Variants in SULT2B1 observed in about 807,000 individuals in gnomAD.
The protein encoded by SULT2B1 is sulfotransferase 2B1.
Under a neutral mutation model 33.2 loss-of-function variants are expected in SULT2B1, and 16 were observed. That is an observed-to-expected ratio of 0.48 (90% CI 0.33 to 0.73). The LOEUF (loss-of-function observed/expected upper bound fraction) is 0.73. Among genes scored for constraint, SULT2B1 ranks in the 30% least tolerant of loss-of-function variants. The pLI, the probability that SULT2B1 is intolerant of heterozygous loss-of-function variation, is 0.02. For missense variants in SULT2B1, 500 were observed against 506.0 expected, an observed-to-expected ratio of 0.99 and a Z score of 0.11; for synonymous variants, 186 against 200.5, an observed-to-expected ratio of 0.93 and a Z score of 0.61.
At chr19:48,595,521 C>T (rs1370069525) in intron 5 of SULT2B1, among the ~76,000 whole-genome samples, 1 of 152,072 alleles carries the variant, frequency 6.6e-6, no homozygotes, top group East Asian at 1.9e-4. Context: ...TGAGCTGCAG[C>T]CGTGGCAATG....
At chr19:48,568,714 G>A (rs981023638) in intron 1 of SULT2B1, among the ~76,000 whole-genome samples, 1 of 152,122 alleles carries the variant, frequency 6.6e-6, no homozygotes, top group Non-Finnish European at 1.5e-5. Flanking sequence ...TCTTGGCAAT[G>A]CTCTCTCTCC....
At chr19:48,591,984 TGA>T (rs1341989905) in intron 4 of SULT2B1, among the ~76,000 whole-genome samples, 2 of 151,254 alleles carry the variant, frequency 1.3e-5, no homozygotes, top group African/African-American at 4.9e-5. Flanking sequence ...ACAAAAAGAC[TGA>T]GAGAGAGGGC....
rs974293075 is a variant in SULT2B1, at chr19:48,590,495, G to C, written c.424-1114G>C. ...CACCCACCTGTAGTCCCAGCTACTC[G>C]GGAGGCTGAGGCAGGAGAATTGCTT... On this transcript the variant is annotated intron_variant, in intron 3 of 6. Transcript: ENST00000201586. Among the ~76,000 whole-genome samples, 18 of 152,072 alleles carry C rather than the reference G, an allele frequency of 1.2e-4. No individual in the cohort carries two copies. The South Asian group carries it at 2.3e-3, about 19-fold the overall frequency.
At position 48,555,115 on chromosome 19, in the gene SULT2B1, G is replaced by A. The variant is rs143243812; in HGVS notation, c.71+2792G>A. Among the ~76,000 whole-genome samples the A allele has an allele frequency of 6.4e-3, 954 of 150,102 alleles. 11 individuals carry two copies. Among genetic ancestry groups the A allele is most frequent in the African/African-American group, 0.022 (907 of 40,882 alleles). On this transcript the variant is annotated intron_variant, in intron 1 of 6. Transcript: ENST00000201586. ...ATTATTACTATTATTTTTTTGAGACGGAGTCTCACTCTGTCGCCCACGCTG... is the reference window on the plus strand; with the variant it reads ...ATTATTACTATTATTTTTTTGAGACAGAGTCTCACTCTGTCGCCCACGCTG...
chr19:48,591,470 C>T (rs545271824), intron 3 of SULT2B1, 139 bp from the exon 4 acceptor site: 5 of 988,810 alleles, frequency 5.1e-6, no homozygotes, highest in South Asian at 3.7e-5. Flanking sequence ...CAGACTCCAT[C>T]GCAAAAAAAA....
At chr19:48,591,763 GGGGT>G in intron 4 of SULT2B1, 28 bp downstream of exon 4, 1 of 1,541,590 alleles carries the variant, frequency 6.5e-7, no homozygotes, top group Non-Finnish European at 8.8e-7. Flanking sequence ...CGGGGCAGGA[GGGGT>G]GGGGAGGAGC....
chr19:48,575,964 T>C lies in SULT2B1; in HGVS notation c.95T>C (p.Phe32Ser). Residue 32 changes from phenylalanine (F) to serine (S), a missense_variant, in exon 2 of 7, where the codon TTC becomes TCC. By Grantham distance (155) the Phe-to-Ser change is radical. Coordinates refer to ENST00000201586, the MANE Select transcript of SULT2B1 (RefSeq NM_177973.2). Reference protein sequence around the residue: ...EISQKLPGEYFRYKGVPFPVG... With the variant: ...EISQKLPGEYSRYKGVPFPVG... ...AGCCAGAAGTTGCCAGGTGAATACT[T>C]CCGGTACAAGGGCGTCCCCTTCCCC... 1 of 1,613,332 alleles carries C rather than the reference T, an allele frequency of 6.2e-7. No homozygotes were observed. The highest frequency in any genetic ancestry group is 8.5e-7 in the Non-Finnish European group (1 of 1,179,502).
intron 1 of SULT2B1, among the ~76,000 whole-genome samples, chr19:48,568,000 G>A (rs1002724869): frequency 6.6e-6 from 1 of 151,838 alleles, no homozygotes; most frequent in East Asian, 1.9e-4. Flanking sequence ...AGCAGGGCAC[G>A]GTGGCTTATG....
chr19:48,595,484 T>C (rs1973698337), intron 5 of SULT2B1, among the ~76,000 whole-genome samples: 1 of 151,988 alleles, frequency 6.6e-6, no homozygotes, highest in South Asian at 2.1e-4. Context: ...TGGTACATAG[T>C]AGACACTCAG....
intron 2 of SULT2B1, among the ~76,000 whole-genome samples, chr19:48,576,346 A>C (rs2665589): frequency 0.27 from 20,997 of 77,830 alleles, 2,408 homozygotes; most frequent in African/African-American, 0.38. Context: ...TTTCCCCTTT[A>C]CCCTCTACTT....
At chr19:48,576,106 C>G (rs16982150) in intron 2 of SULT2B1, 23 bp downstream of exon 2, 71 of 1,186,196 alleles carry the variant, frequency 6.0e-5, no homozygotes, top group Middle Eastern at 2.0e-4. Context: ...CTGCGGGCGT[C>G]GGGGGCTGGG....
At chr19:48,555,751 T>C (rs2147594606) in intron 1 of SULT2B1, among the ~76,000 whole-genome samples, 1 of 152,134 alleles carries the variant, frequency 6.6e-6, no homozygotes, top group Admixed American at 6.6e-5. Context: ...ATTTTTGTTT[T>C]TTTTTGGAGA....
At chr19:48,586,191 C>G (rs1161749028) in intron 2 of SULT2B1, among the ~76,000 whole-genome samples, 1 of 152,170 alleles carries the variant, frequency 6.6e-6, no homozygotes, top group Non-Finnish European at 1.5e-5. Context: ...CACTGCACTC[C>G]AGCCTGGGTG....
intron 1 of SULT2B1, among the ~76,000 whole-genome samples, chr19:48,560,839 G>A (rs1369992296): frequency 1.3e-5 from 2 of 151,906 alleles, no homozygotes; most frequent in African/African-American, 2.4e-5. Context: ...GCTCACATCT[G>A]TAATCCCAGC....
At chr19:48,594,225 C>T (rs908870083) in intron 5 of SULT2B1, among the ~76,000 whole-genome samples, 11 of 152,038 alleles carry the variant, frequency 7.2e-5, no homozygotes, top group Admixed American at 2.0e-4. Flanking sequence ...CGCACCATTG[C>T]ACTCCAGCTG....
In SULT2B1 at chr19:48,596,877, C is replaced by A. The variant is rs1369185199; in HGVS notation, c.784C>A (p.Pro262Thr). Reference sequence around the variant, plus strand: ...CATGTCCAACTACACGCTGCTGCCTCCCAGCCTGCTGGACCACCGTCGCGG... The same window carrying A: ...CATGTCCAACTACACGCTGCTGCCTACCAGCCTGCTGGACCACCGTCGCGG... ...NTMSNYTLLP[P>T]SLLDHRRGAF... The change falls in exon 6 of 7, where the codon CCC becomes ACC. Residue 262 changes from proline to threonine, a missense_variant. Coordinates refer to ENST00000201586, the MANE Select transcript of SULT2B1 (RefSeq NM_177973.2). The A allele has an allele frequency of 6.2e-7, 1 of 1,606,556 alleles. No homozygotes were observed. The highest frequency in any genetic ancestry group is 8.5e-7 in the Non-Finnish European group (1 of 1,179,400).
intron 6 of SULT2B1, among the ~76,000 whole-genome samples, 155 bp downstream of exon 6, chr19:48,597,074 T>C (rs1017999475): frequency 6.6e-6 from 1 of 152,148 alleles, no homozygotes; most frequent in Non-Finnish European, 1.5e-5. Flanking sequence ...CGCACGGGGC[T>C]TAGCACTGAC....
At chr19:48,574,652 T>C (rs1973379141) in intron 1 of SULT2B1, among the ~76,000 whole-genome samples, 1 of 152,148 alleles carries the variant, frequency 6.6e-6, no homozygotes, top group Non-Finnish European at 1.5e-5. Flanking sequence ...CAAGTAGGAT[T>C]AAAACCTCAA....
chr19:48,553,341 C>T (rs1419838221), intron 1 of SULT2B1, among the ~76,000 whole-genome samples: 1 of 152,158 alleles, frequency 6.6e-6, no homozygotes, highest in Non-Finnish European at 1.5e-5. Flanking sequence ...GAGTTTCGCT[C>T]TTGTTGCCCA....
Sources: gnomAD v4.1 joint callset for allele counts (sites outside exome capture counted in the v4.1 genomes callset) on GRCh38, gnomAD v4.1.1 for gene constraint, MANE v1.5 for transcripts, NCBI Gene and HGNC (gene_info 2026-07-23, HGNC 2026-07-21) for gene names.